The following YAF2 variants were observed in gnomAD, a reference collection of about 807,000 sequenced individuals.
YAF2 encodes the protein YY1 associated factor 2, also known as YY1-associated factor 2.
A neutral mutation model predicts 20.1 loss-of-function variants in YAF2; 7 were observed. The ratio of observed to expected loss-of-function variants is 0.35; its 90% CI spans 0.20 to 0.65. The LOEUF (loss-of-function observed/expected upper bound fraction) is 0.65. Ranked by LOEUF, YAF2 falls within the 30% of genes least tolerant of loss-of-function variation. The pLI is 0.69. For synonymous variants in YAF2, 74 were observed against 76.0 expected (o/e 0.97, Z 0.14); for missense variants, 151 against 219.2 (o/e 0.69, Z 1.96).
At chr12:42,200,501 C>T (rs534097419) in intron 2 of YAF2, among the ~76,000 whole-genome samples, 8 of 152,208 alleles carry the variant, frequency 5.3e-5, no homozygotes, top group African/African-American at 1.7e-4. Context: ...AAGATTAAAA[C>T]AACAAAGGTC....
At chr12:42,182,328 T>G (rs976199046) in intron 2 of YAF2, among the ~76,000 whole-genome samples, 1 of 152,130 alleles carries the variant, frequency 6.6e-6, no homozygotes, top group Non-Finnish European at 1.5e-5. Flanking sequence ...CACTATTACA[T>G]GGTAACAGGT....
chr12:42,207,374 T>C (rs982355489), intron 2 of YAF2, among the ~76,000 whole-genome samples: 1 of 152,230 alleles, frequency 6.6e-6, no homozygotes, highest in South Asian at 2.1e-4. Flanking sequence ...AAGGATACTG[T>C]ATTTCCACTT....
chr12:42,226,038 CCTCT>C lies in YAF2; in HGVS notation c.152+11557_152+11560del, dbSNP rs2067683401. Among the ~76,000 whole-genome samples, 3 of 152,112 alleles carry C rather than the reference CCTCT, an allele frequency of 2.0e-5. No homozygotes were observed. In the South Asian group the frequency reaches 6.2e-4, roughly 31 times the overall value. On this transcript the variant is annotated intron_variant, in intron 2 of 3. Coordinates refer to ENST00000534854, the MANE Select transcript of YAF2 (RefSeq NM_005748.6). ...GGAATGTTTTTCCATTTGTTTGTGTCCTCTCTTATTTCCTTGAGCAGTGGTTTGT... is the reference window on the plus strand; with the variant it reads ...GGAATGTTTTTCCATTTGTTTGTGTCCTTATTTCCTTGAGCAGTGGTTTGT...
chr12:42,193,512 G>A (rs563923801), intron 2 of YAF2, among the ~76,000 whole-genome samples: 30 of 152,038 alleles, frequency 2.0e-4, no homozygotes, highest in African/African-American at 7.2e-4. Flanking sequence ...TGTTGTTTTT[G>A]GTTTTTGTTG....
chr12:42,175,428 G>C (rs1452637290), intron 2 of YAF2, among the ~76,000 whole-genome samples: 1 of 151,968 alleles, frequency 6.6e-6, no homozygotes, highest in Non-Finnish European at 1.5e-5. Flanking sequence ...TAATGGATGT[G>C]TGTCTGCTCT....
chr12:42,237,757 G>A (rs1475025290), intron 1 of YAF2, 33 bp from the exon 2 acceptor site: 4 of 1,469,178 alleles, frequency 2.7e-6, no homozygotes, highest in South Asian at 1.3e-5. Flanking sequence ...GACGCGGCGC[G>A]GGGTCACCAG....
At chr12:42,222,365 G>A (rs994896033) in intron 2 of YAF2, among the ~76,000 whole-genome samples, 1 of 152,150 alleles carries the variant, frequency 6.6e-6, no homozygotes, top group Non-Finnish European at 1.5e-5. Context: ...ATTCAACTAG[G>A]ATGGTTTTAT....
At position 42,202,096 on chromosome 12, in the gene YAF2, A is replaced by G. The variant is rs557474591; in HGVS notation, c.152+35503T>C. On this transcript the variant is annotated intron_variant, in intron 2 of 3. Transcript: ENST00000534854. ...TTTTCACGTATTGCTTGAAGCAGAG[A>G]TCTAGTTTCCCCCCCCATCTAGAAA... Among the ~76,000 whole-genome samples the G allele has an allele frequency of 6.6e-5, 10 of 152,166 alleles. No individual in the cohort carries two copies. In the East Asian group the frequency reaches 1.7e-3, roughly 26 times the overall value.
At chr12:42,191,889 A>G (rs2066621357) in intron 2 of YAF2, among the ~76,000 whole-genome samples, 1 of 151,964 alleles carries the variant, frequency 6.6e-6, no homozygotes, top group African/African-American at 2.4e-5. Flanking sequence ...GGAGTGTTCA[A>G]GACCAGCCTG....
intron 2 of YAF2, among the ~76,000 whole-genome samples, chr12:42,164,183 T>C (rs1289312928): frequency 6.6e-6 from 1 of 152,244 alleles, no homozygotes; most frequent in East Asian, 1.9e-4. Context: ...ATGCCATGAT[T>C]AGACTGTATT....
At chr12:42,226,190 T>C (rs1220925886) in intron 2 of YAF2, among the ~76,000 whole-genome samples, 3 of 152,216 alleles carry the variant, frequency 2.0e-5, no homozygotes, top group Non-Finnish European at 4.4e-5. Flanking sequence ...ACAGCTTCAT[T>C]GGTTTATTTT....
At chr12:42,213,337 T>G (rs1036346877) in intron 2 of YAF2, among the ~76,000 whole-genome samples, 5 of 152,204 alleles carry the variant, frequency 3.3e-5, no homozygotes, top group African/African-American at 1.2e-4. Flanking sequence ...CTTCCTCAGT[T>G]GAGCCCTAAG....
chr12:42,160,506 C>A lies in YAF2; in HGVS notation c.*83G>T. On this transcript the variant is annotated 3_prime_UTR_variant, in exon 4 of 4. Coordinates refer to ENST00000534854, the MANE Select transcript of YAF2 (RefSeq NM_005748.6). ...ATGGATTGTGCATGAATGTATCTGT[C>A]ATGAAAATGTGGTACCTCTTGGCAT... 1 of 1,010,212 alleles carries A rather than the reference C, an allele frequency of 9.9e-7. No homozygotes were observed. Among genetic ancestry groups the A allele is most frequent in the African/African-American group, 1.6e-5 (1 of 61,804 alleles). 62.6% of individuals were successfully genotyped at this position (1,010,212 alleles called of 1,614,324 possible). A position where few individuals can be genotyped will look rare whatever the true frequency, so the allele number is the denominator to read the frequency against.
At chr12:42,196,591 T>C (rs186682142) in intron 2 of YAF2, among the ~76,000 whole-genome samples, 2 of 151,846 alleles carry the variant, frequency 1.3e-5, no homozygotes, top group East Asian at 3.9e-4. Flanking sequence ...AAATAAGTAA[T>C]AAAAAGGAAT....
chr12:42,199,150 A>T (rs1469992598), intron 2 of YAF2: 1 of 1,288,884 alleles, frequency 7.8e-7, no homozygotes, highest in Non-Finnish European at 1.0e-6. Context: ...CTGTCCAAAA[A>T]AGAGAATGAC....
intron 2 of YAF2, among the ~76,000 whole-genome samples, chr12:42,177,189 A>G (rs907501473): frequency 3.9e-5 from 6 of 152,192 alleles, no homozygotes; most frequent in African/African-American, 1.2e-4. Context: ...ACAAGTCTCT[A>G]TGTGATATAG....
At chr12:42,200,068 G>C (rs1350025581) in intron 2 of YAF2, among the ~76,000 whole-genome samples, 1 of 152,106 alleles carries the variant, frequency 6.6e-6, no homozygotes, top group African/African-American at 2.4e-5. Flanking sequence ...ACATCTCTAG[G>C]AGTTTACTAA....
intron 2 of YAF2, among the ~76,000 whole-genome samples, chr12:42,174,904 A>C (rs889068145): frequency 1.3e-5 from 2 of 152,222 alleles, no homozygotes; most frequent in African/African-American, 4.8e-5. Flanking sequence ...TTAATAATGA[A>C]AGTAGTCCCT....
chr12:42,233,040 T>C, intron 2 of YAF2: 1 of 985,332 alleles, frequency 1.0e-6, no homozygotes. Context: ...TGCTCACCAC[T>C]GTATGTCTAG....
Sources: allele counts gnomAD v4.1 joint callset (sites outside exome capture counted in the v4.1 genomes callset), GRCh38; gene constraint gnomAD v4.1.1; transcripts MANE v1.5; gene names NCBI Gene and HGNC (gene_info 2026-07-23, HGNC 2026-07-21).